RASEF: variants seen among roughly 807,000 people sequenced by gnomAD.
RASEF encodes ras and EF-hand domain-containing protein.
RASEF carries 68 observed loss-of-function variants against 90.1 expected under a neutral mutation model. That is an observed-to-expected ratio of 0.75 (90% CI 0.62 to 0.92). The LOEUF (loss-of-function observed/expected upper bound fraction) is 0.92, where lower values mean the gene tolerates loss of function less well. Ranked by LOEUF, RASEF falls within the 40% of genes least tolerant of loss-of-function variation. The pLI is 0.00. For missense variants in RASEF, 949 were observed against 937.2 expected (o/e 1.01, Z -0.16); for synonymous variants, 331 against 345.2 (o/e 0.96, Z 0.46).
Position 82,980,115 on chromosome 9 carries a change from A to C in RASEF, c.*2562T>G, listed in dbSNP as rs575415010. The C allele has an allele frequency of 6.6e-6, 1 of 152,358 alleles. No homozygotes were observed. The highest frequency in any genetic ancestry group is 2.1e-4 in the South Asian group (1 of 4,834). The allele number at this position is 152,358 out of a possible 1,614,324, so 9.4% of individuals were successfully genotyped here. On this transcript the variant is annotated 3_prime_UTR_variant, in exon 17 of 17. Transcript: ENST00000376447. ...ATGAAATTAAAATATTTTACAATGT[A>C]TCAGGATACATTTAAAAAAGGACTG... is the stretch of plus-strand genomic sequence containing the variant.
rs777716203 is a variant in RASEF, at chr9:82,990,389, A to G, written c.2117+2T>C. On this transcript the variant is annotated splice_donor_variant, in intron 16 of 16. Coordinates refer to ENST00000376447, the MANE Select transcript of RASEF (RefSeq NM_152573.4). LOFTEE classifies it high-confidence loss of function. ...TCCTACATCCATTTTCCCAAACTTT[A>G]CCGAGCAAGGTGCAGAACAGCCTCC... 1.9e-6 allele frequency: 3 copies of G among 1,610,924 alleles called. No homozygotes were observed. Among genetic ancestry groups the G allele is most frequent in the Non-Finnish European group, 1.7e-6 (2 of 1,178,028 alleles).
the RASEF span, among the ~76,000 whole-genome samples, chr9:83,077,595 A>C: frequency 1.3e-5 from 2 of 152,108 alleles, no homozygotes; most frequent in South Asian, 2.1e-4. Context: ...GGGAAAAAAA[A>C]CAAGCAAAAA....
chr9:83,059,716 C>T (rs541324378), intron 1 of RASEF, among the ~76,000 whole-genome samples: 94 of 152,252 alleles, frequency 6.2e-4, no homozygotes, highest in African/African-American at 2.2e-3. Flanking sequence ...TGTCCTGCTG[C>T]CTTCACCTGT....
intron 12 of RASEF, among the ~76,000 whole-genome samples, chr9:82,999,856 G>A (rs1269190232): frequency 2.0e-5 from 3 of 151,874 alleles, no homozygotes; most frequent in African/African-American, 4.8e-5. Context: ...TGCCTGGCTC[G>A]GCCTCCCAAA....
chr9:83,059,251 C>T (rs1470594999), intron 1 of RASEF, among the ~76,000 whole-genome samples: 1 of 147,438 alleles, frequency 6.8e-6, no homozygotes, highest in African/African-American at 2.6e-5. Flanking sequence ...TGCTCTCAGC[C>T]ATCCATCAAA....
the RASEF span, among the ~76,000 whole-genome samples, chr9:83,114,943 C>T: frequency 9.7e-4 from 148 of 152,254 alleles, 1 homozygote; most frequent in African/African-American, 3.5e-3. Flanking sequence ...TGACCCACAT[C>T]CTATTCATAC....
chr9:83,031,319 C>T (rs1032423283), intron 1 of RASEF, among the ~76,000 whole-genome samples: 3 of 152,056 alleles, frequency 2.0e-5, no homozygotes, highest in Admixed American at 6.6e-5. Context: ...CAATCACTAC[C>T]CACTCTTTTT....
the RASEF span, among the ~76,000 whole-genome samples, chr9:83,192,953 C>T: frequency 2.0e-5 from 3 of 152,146 alleles, no homozygotes; most frequent in Non-Finnish European, 4.4e-5. Flanking sequence ...GGCCAATGTG[C>T]CCAGGATTCT....
At chr9:83,034,187 G>A (rs760777025) in intron 1 of RASEF, among the ~76,000 whole-genome samples, 11 of 152,134 alleles carry the variant, frequency 7.2e-5, no homozygotes, top group Non-Finnish European at 1.5e-4. Context: ...ACTGGCTGTG[G>A]TCTCAGTCTG....
At chr9:83,112,561 C>A in the RASEF span, among the ~76,000 whole-genome samples, 1 of 152,058 alleles carries the variant, frequency 6.6e-6, no homozygotes, top group Non-Finnish European at 1.5e-5. Context: ...GTGGCTCATG[C>A]CTGTAATCTC....
At chr9:83,172,642 A>C in the RASEF span, among the ~76,000 whole-genome samples, 1 of 151,932 alleles carries the variant, frequency 6.6e-6, no homozygotes, top group Non-Finnish European at 1.5e-5. Context: ...AATGAAAAAA[A>C]CTTTAAAAAT....
the RASEF span, among the ~76,000 whole-genome samples, chr9:83,172,348 T>G: frequency 3.9e-4 from 60 of 151,938 alleles, no homozygotes; most frequent in African/African-American, 1.3e-3. Context: ...ATCTTTTAAT[T>G]GGATAATTTA....
At chr9:83,132,560 T>C in the RASEF span, among the ~76,000 whole-genome samples, 2 of 152,312 alleles carry the variant, frequency 1.3e-5, no homozygotes, top group African/African-American at 4.8e-5. Flanking sequence ...ACAGCAATAC[T>C]AAGAGGTCTC....
At chr9:83,179,812 A>C in the RASEF span, among the ~76,000 whole-genome samples, 1 of 152,284 alleles carries the variant, frequency 6.6e-6, no homozygotes, top group East Asian at 1.9e-4. Context: ...ACACATACAC[A>C]CACACACGTA....
the RASEF span, among the ~76,000 whole-genome samples, chr9:83,185,684 T>A: frequency 6.6e-6 from 1 of 152,184 alleles, no homozygotes; most frequent in East Asian, 1.9e-4. Flanking sequence ...AAGCTGATGA[T>A]TGATGCAGGC....
the RASEF span, among the ~76,000 whole-genome samples, chr9:83,153,792 T>C: frequency 2.0e-5 from 3 of 152,202 alleles, no homozygotes; most frequent in Admixed American, 6.5e-5. Flanking sequence ...CGCCTAGCCA[T>C]ATAGTGAGGA....
At position 83,015,885 on chromosome 9, in the gene RASEF, C is replaced by G. The variant is rs774009940; in HGVS notation, c.685G>C (p.Glu229Gln). The G allele has an allele frequency of 1.9e-6, 3 of 1,613,426 alleles. No homozygotes were observed. Among genetic ancestry groups the G allele is most frequent in the East Asian group, 4.5e-5 (2 of 44,876 alleles). ...CGTCTGAGGTCACTGAGGGCTTCCT[C>G]AGCTTTGCGTTTTTCCTAAAAGAAA... ...KTRKDEKRKA[E>Q]EALSDLRRQY... The change falls in exon 4 of 17, where the codon GAG becomes CAG. Residue 229 changes from glutamate to glutamine, a missense_variant. This residue lies in a region of RASEF where 656 missense variants were observed against 592.2 expected (regional missense o/e 1.11). Transcript: ENST00000376447.
At chr9:83,074,210 A>G in the RASEF span, among the ~76,000 whole-genome samples, 5 of 152,340 alleles carry the variant, frequency 3.3e-5, no homozygotes, top group East Asian at 9.6e-4. Context: ...ACAACAACAA[A>G]AAAGAAGATG....
rs1036688024 is a variant in RASEF, at chr9:82,981,825, G to C, written c.*852C>G. ...TAAGTGAAGAGTGACAACTTTCCTGGGCATTGTGCTTTCAGTAGTATGTGG... is the reference window on the plus strand; with the variant it reads ...TAAGTGAAGAGTGACAACTTTCCTGCGCATTGTGCTTTCAGTAGTATGTGG... On this transcript the variant is annotated 3_prime_UTR_variant, in exon 17 of 17. Transcript: ENST00000376447. The C allele has an allele frequency of 3.3e-5, 5 of 152,018 alleles. No individual in the cohort carries two copies. Among genetic ancestry groups the C allele is most frequent in the African/African-American group, 1.2e-4 (5 of 41,364 alleles). 9.4% of individuals were successfully genotyped at this position (152,018 alleles called of 1,614,324 possible).
Sources: allele counts gnomAD v4.1 joint callset (sites outside exome capture counted in the v4.1 genomes callset), GRCh38; gene constraint gnomAD v4.1.1; regional missense constraint gnomAD v4.1.1; transcripts MANE v1.5; gene names NCBI Gene and HGNC (gene_info 2026-07-23, HGNC 2026-07-21).